COL18A1: variants seen among roughly 807,000 people sequenced by gnomAD.
COL18A1 encodes the protein collagen type XVIII alpha 1 chain.
Under a neutral mutation model 168.0 loss-of-function variants are expected in COL18A1, and 133 were observed. The ratio of observed to expected loss-of-function variants is 0.79; its 90% CI spans 0.69 to 0.91. The LOEUF is 0.91. Ranked by LOEUF, COL18A1 falls within the 40% of genes least tolerant of loss-of-function variation. The pLI is 0.00. For synonymous variants in COL18A1, 949 were observed against 809.0 expected, an observed-to-expected ratio of 1.17 and a Z score of -2.94; for missense variants, 2,126 against 1,925.4, an observed-to-expected ratio of 1.10 and a Z score of -1.95.
At position 45,467,570 on chromosome 21, in the gene COL18A1, C is replaced by T. The variant is rs116713477; in HGVS notation, c.107-672C>T. The T allele has an allele frequency of 3.4e-3, 1,602 of 469,646 alleles. 23 individuals carry two copies. Among genetic ancestry groups the T allele is most frequent in the African/African-American group, 0.031 (1,472 of 47,002 alleles). 29.1% of individuals were successfully genotyped at this position (469,646 alleles called of 1,614,324 possible). ...TGACCGACAGCGCTGGGTGAAATCC[C>T]GCACCGTGTCCTCAGATGCCACGTG... On this transcript the variant is annotated intron_variant, in intron 2 of 41. Transcript: ENST00000651438.
intron 3 of COL18A1, among the ~76,000 whole-genome samples, chr21:45,470,915 T>TGGGCTG (rs141144299): frequency 0.18 from 27,990 of 151,742 alleles, 2,592 homozygotes; most frequent in Admixed American, 0.21. Context: ...GGTCTGGCCC[T>TGGGCTG]GGGCTGGGGC....
Position 45,427,220 on chromosome 21 carries a change from C to G in COL18A1, c.106+21747C>G, listed in dbSNP as rs535625035. 2.6e-5 allele frequency among the ~76,000 whole-genome samples: 4 copies of G among 152,294 alleles called. No homozygotes were observed. The East Asian group carries it at 5.8e-4, about 22-fold the overall frequency. On this transcript the variant is annotated intron_variant, in intron 2 of 41. Transcript: ENST00000651438. ...TTCTCCGTGTGGGTGCCATATCCAC[C>G]TCCATCGCAGCCCTTTCTCTCTCGA...
intron 8 of COL18A1, 118 bp from the exon 9 acceptor site, chr21:45,478,209 G>A (rs1292590419): frequency 3.1e-5 from 42 of 1,366,702 alleles, no homozygotes; most frequent in Non-Finnish European, 4.2e-5. Flanking sequence ...AGGACATCGG[G>A]GGAAGGCGTC....
chr21:45,507,710 G>C, intron 38 of COL18A1, 117 bp downstream of exon 38: 2 of 969,194 alleles, frequency 2.1e-6, no homozygotes, highest in Non-Finnish European at 3.2e-6. Flanking sequence ...TGAACATGTG[G>C]CTCACCATCA....
chr21:45,469,097 C>T (rs1284633233), intron 3 of COL18A1, among the ~76,000 whole-genome samples: 6 of 152,192 alleles, frequency 3.9e-5, no homozygotes, highest in African/African-American at 1.4e-4. Context: ...AGGCCCAGCC[C>T]AGGAGGGCCC....
intron 3 of COL18A1, among the ~76,000 whole-genome samples, chr21:45,472,218 G>GC (rs1555858560): frequency 6.9e-6 from 1 of 144,932 alleles, no homozygotes; most frequent in Non-Finnish European, 1.5e-5. Flanking sequence ...GAGAAGCGCA[G>GC]TTTTTTTTTT....
chr21:45,486,823 TG>T, intron 15 of COL18A1, 37 bp from the exon 16 acceptor site: 1 of 1,526,010 alleles, frequency 6.6e-7, no homozygotes. Context: ...CAGCGGGGGC[TG>T]GGCTGGGTCC....
chr21:45,433,139 T>G (rs2034008204), intron 2 of COL18A1, among the ~76,000 whole-genome samples: 1 of 152,190 alleles, frequency 6.6e-6, no homozygotes, highest in African/African-American at 2.4e-5. Context: ...GGACACCCTT[T>G]CATGTTTGAT....
rs184059431 is a variant in COL18A1 at position 45,473,587 on chromosome 21, C to T, written c.652-308C>T. Among the ~76,000 whole-genome samples the T allele has an allele frequency of 6.6e-6, 1 of 152,310 alleles. No homozygotes were observed. Among genetic ancestry groups the T allele is most frequent in the African/African-American group, 2.4e-5 (1 of 41,564 alleles). ...CTCCCAGGCCTTGGATCGAGCCACA[C>T]CTGCTGTGGTTCTAAACCCGTAGCC... On this transcript the variant is annotated intron_variant, in intron 3 of 41. Coordinates refer to ENST00000651438, the MANE Select transcript of COL18A1 (RefSeq NM_001379500.1). This position sits in a 1 kb window ranked among gnomAD's most constrained non-coding sequence, Gnocchi z 4.0.
rs375087150 is a variant in COL18A1 at position 45,455,729 on chromosome 21, C to T, written c.107-12513C>T. Reference sequence around the variant, plus strand: ...AGATACCACCACACACGTGACCCCCCGGAATGGTTCCACAGAGCCAGCGAC... The same window carrying T: ...AGATACCACCACACACGTGACCCCCTGGAATGGTTCCACAGAGCCAGCGAC... On this transcript the variant is annotated intron_variant, in intron 2 of 41. Coordinates refer to ENST00000651438, the MANE Select transcript of COL18A1 (RefSeq NM_001379500.1). The T allele has an allele frequency of 6.1e-5, 98 of 1,613,954 alleles. No individual in the cohort carries two copies. The highest frequency in any genetic ancestry group is 2.4e-4 in the African/African-American group (18 of 75,060).
rs201422108 is a variant in COL18A1 at position 45,511,038 on chromosome 21, A to AC, written c.3694-66dup. On this transcript the variant is annotated intron_variant, in intron 40 of 41. Transcript: ENST00000651438. ...ACACATCCACACCCCACATCCACAC[A>AC]CCCCCCCACAAACACCCACACCCAT... The AC allele has an allele frequency of 5.4e-3, 1,530 of 285,756 alleles. 49 individuals are homozygous for AC. In the African/African-American group the frequency reaches 0.088, roughly 16 times the overall value. 17.7% of individuals were successfully genotyped at this position (285,756 alleles called of 1,614,324 possible). A position where few individuals can be genotyped will look rare whatever the true frequency, so the allele number is the denominator to read the frequency against.
At chr21:45,497,015 C>T (rs779980572) in intron 30 of COL18A1, 35 bp from the exon 31 acceptor site, 58 of 1,543,872 alleles carry the variant, frequency 3.8e-5, no homozygotes, top group South Asian at 2.7e-4. Context: ...TTCAGAACAT[C>T]GCCCTCAGCA....
At chr21:45,428,708 A>G (rs1057052468) in intron 2 of COL18A1, among the ~76,000 whole-genome samples, 6 of 152,056 alleles carry the variant, frequency 3.9e-5, no homozygotes, top group African/African-American at 1.5e-4. Context: ...TGGTTCCCGC[A>G]GTGCGAGGCC....
intron 3 of COL18A1, among the ~76,000 whole-genome samples, chr21:45,470,783 A>G (rs991199897): frequency 6.6e-6 from 1 of 152,184 alleles, no homozygotes; most frequent in Non-Finnish European, 1.5e-5. Flanking sequence ...CACTGCACCC[A>G]GCTGGGATTT....
intron 2 of COL18A1, among the ~76,000 whole-genome samples, chr21:45,410,364 G>A (rs1420345010): frequency 1.3e-5 from 2 of 152,258 alleles, no homozygotes; most frequent in Non-Finnish European, 2.9e-5. Flanking sequence ...GCTTCCAGAA[G>A]GCCAGCAGGC....
At position 45,498,606 on chromosome 21, in the gene COL18A1, T is replaced by C. The variant is rs2036631767; in HGVS notation, c.2683+945T>C. The stretch of plus-strand genomic sequence containing the variant: ...AGGCCGAGTCTGGGCCGGGACATCC[T>C]TAAGGCCTGTGGAGGCAAAGGCAGG... On this transcript the variant is annotated intron_variant, in intron 32 of 41. Coordinates refer to ENST00000651438, the MANE Select transcript of COL18A1 (RefSeq NM_001379500.1). The surrounding 1 kb of genome is among the most constrained non-coding windows in gnomAD (Gnocchi z 4.5). The C allele has an allele frequency of 1.4e-6, 1 of 712,014 alleles. No homozygotes were observed. 44.1% of individuals were successfully genotyped at this position (712,014 alleles called of 1,614,324 possible).
Position 45,423,674 on chromosome 21 carries a change from C to T in COL18A1, c.106+18201C>T, listed in dbSNP as rs2033696390. The stretch of plus-strand genomic sequence containing the variant: ...CTCCAGTTAATGCTGAATTAGGTAC[C>T]TCAGGCTTGAGTCAAATATTAACAG... On this transcript the variant is annotated intron_variant, in intron 2 of 41. Coordinates refer to ENST00000651438, the MANE Select transcript of COL18A1 (RefSeq NM_001379500.1). This position sits in a 1 kb window ranked among gnomAD's most constrained non-coding sequence, Gnocchi z 4.0. 6.6e-6 allele frequency: 1 copy of T among 152,162 alleles called. No individual in the cohort carries two copies. The highest frequency in any genetic ancestry group is 6.5e-5 in the Admixed American group (1 of 15,284). The allele number at this position is 152,162 out of a possible 1,614,324, so 9.4% of individuals were successfully genotyped here. A position where few individuals can be genotyped will look rare whatever the true frequency, so the allele number is the denominator to read the frequency against.
chr21:45,458,246 G>A (rs367621452), intron 2 of COL18A1, among the ~76,000 whole-genome samples: 1 of 150,974 alleles, frequency 6.6e-6, no homozygotes, highest in Non-Finnish European at 1.5e-5. Context: ...GGAGCTCTCC[G>A]AGGCAGGGGC....
chr21:45,427,904 G>C (rs1040684665), intron 2 of COL18A1, among the ~76,000 whole-genome samples: 2 of 152,186 alleles, frequency 1.3e-5, no homozygotes, highest in African/African-American at 2.4e-5. Flanking sequence ...CATACACCCG[G>C]GGCCTGGATG....
Sources: gnomAD v4.1 joint callset for allele counts (sites outside exome capture counted in the v4.1 genomes callset) on GRCh38, gnomAD v4.1.1 for gene constraint, Gnocchi (gnomAD v3.1) non-coding constraint, MANE v1.5 for transcripts, NCBI Gene and HGNC (gene_info 2026-07-23, HGNC 2026-07-21) for gene names.